UST: variants seen among roughly 807,000 people sequenced by gnomAD.
UST encodes uronyl 2-sulfotransferase.
UST carries 21 observed loss-of-function variants against 45.6 expected under a neutral mutation model. That is an observed-to-expected ratio of 0.46 (90% CI 0.33 to 0.66). The LOEUF is 0.66. Among genes scored for constraint, UST ranks in the 30% least tolerant of loss-of-function variants. The pLI is 0.02. For missense variants in UST, 463 were observed against 512.4 expected (o/e 0.90, Z 0.93); for synonymous variants, 215 against 200.6 (o/e 1.07, Z -0.61).
rs1776895996 is a variant in UST, at chr6:149,076,856, C to T, written c.*2740C>T. On this transcript the variant is annotated 3_prime_UTR_variant, in exon 8 of 8. Coordinates refer to ENST00000367463, the MANE Select transcript of UST (RefSeq NM_005715.3). ...AACCTTCAGCCTACTTTCTTGAGTG[C>T]CGTAAAAGTGCTTGTAAATCTTTTT... 1 of 149,674 alleles carries T rather than the reference C, an allele frequency of 6.7e-6. No individual in the cohort carries two copies. The highest frequency in any genetic ancestry group is 2.1e-4 in the South Asian group (1 of 4,696). 9.3% of individuals were successfully genotyped at this position (149,674 alleles called of 1,614,324 possible). A position where few individuals can be genotyped will look rare whatever the true frequency, so the allele number is the denominator to read the frequency against.
chr6:148,928,985 C>T (rs548007432), intron 2 of UST, among the ~76,000 whole-genome samples: 1 of 152,238 alleles, frequency 6.6e-6, no homozygotes, highest in Non-Finnish European at 1.5e-5. Flanking sequence ...GGGCAGGGAG[C>T]AGCTGTGGGG....
In UST at chr6:148,964,473, C is replaced by T. The variant is rs1167011237; in HGVS notation, c.591C>T (p.Ser197=). 1 of 1,614,176 alleles carries T rather than the reference C, an allele frequency of 6.2e-7. No homozygotes were observed. ...GAGACCCCGTCAACCGGTTCTTATC[C>T]AACTATTTTTTCCGTCGCTTTGGAG... ...IIRDPVNRFL[S]NYFFRRFGDW... Residue 197 remains serine, a synonymous_variant, in exon 5 of 8, where the codon TCC becomes TCT. Transcript: ENST00000367463.
At chr6:148,961,361 T>C (rs966203088) in intron 4 of UST, among the ~76,000 whole-genome samples, 1 of 152,236 alleles carries the variant, frequency 6.6e-6, no homozygotes, top group African/African-American at 2.4e-5. Flanking sequence ...TTCTACTCTC[T>C]AGTGTATGCA....
chr6:149,060,881 A>C (rs976172623), intron 7 of UST, among the ~76,000 whole-genome samples: 1 of 152,108 alleles, frequency 6.6e-6, no homozygotes, highest in Non-Finnish European at 1.5e-5. Flanking sequence ...TCTTTTGTCC[A>C]TGCTTATTTT....
chr6:148,831,679 C>G (rs918824220), intron 1 of UST, among the ~76,000 whole-genome samples: 1 of 152,076 alleles, frequency 6.6e-6, no homozygotes, highest in African/African-American at 2.4e-5. Flanking sequence ...CATGTGGTCC[C>G]AGCTACTCGG....
chr6:148,863,937 G>T (rs2114804408), intron 1 of UST, among the ~76,000 whole-genome samples: 1 of 152,280 alleles, frequency 6.6e-6, no homozygotes, highest in Non-Finnish European at 1.5e-5. Flanking sequence ...TCCCAGTTAG[G>T]CTACTCGGGG....
intron 3 of UST, among the ~76,000 whole-genome samples, chr6:148,947,762 G>A (rs1780275620): frequency 6.6e-6 from 1 of 152,156 alleles, no homozygotes; most frequent in Non-Finnish European, 1.5e-5. Context: ...TGGGGACAGT[G>A]TCCACAGGCA....
intron 7 of UST, among the ~76,000 whole-genome samples, chr6:149,025,689 T>G (rs1232415243): frequency 6.6e-6 from 1 of 152,172 alleles, no homozygotes; most frequent in Non-Finnish European, 1.5e-5. Flanking sequence ...CCTTATTATG[T>G]TTGTTTATTA....
chr6:148,870,104 TCACACACACACACA>T (rs60229120), intron 1 of UST, among the ~76,000 whole-genome samples: 10 of 141,448 alleles, frequency 7.1e-5, no homozygotes, highest in Admixed American at 1.4e-4. Context: ...TGGTAATGTT[TCACACACACACACA>T]CACACACACA....
chr6:148,949,431 T>C (rs1407096272), intron 3 of UST, among the ~76,000 whole-genome samples: 1 of 56,600 alleles, frequency 1.8e-5, no homozygotes, highest in Non-Finnish European at 4.1e-5. Context: ...ATAATAATAA[T>C]AATATTACTT....
chr6:148,794,990 A>C (rs1176874964), intron 1 of UST, among the ~76,000 whole-genome samples: 2 of 152,208 alleles, frequency 1.3e-5, no homozygotes, highest in Non-Finnish European at 2.9e-5. Flanking sequence ...TCAGTCAGTC[A>C]TACTAAAGAC....
chr6:148,783,757 A>T (rs1776686068), intron 1 of UST, among the ~76,000 whole-genome samples: 1 of 152,134 alleles, frequency 6.6e-6, no homozygotes, highest in Non-Finnish European at 1.5e-5. Context: ...AAATAACTAC[A>T]CATTTCCTGC....
intron 1 of UST, among the ~76,000 whole-genome samples, chr6:148,868,032 C>A (rs1273718307): frequency 1.3e-5 from 2 of 152,108 alleles, no homozygotes; most frequent in African/African-American, 4.8e-5. Flanking sequence ...ATGAGCCTGC[C>A]ACTGATGAGC....
At chr6:148,939,483 G>T (rs1409315747) in intron 2 of UST, among the ~76,000 whole-genome samples, 1 of 152,150 alleles carries the variant, frequency 6.6e-6, no homozygotes, top group Non-Finnish European at 1.5e-5. Flanking sequence ...AAGACTGTGT[G>T]GTACTGACAT....
intron 1 of UST, among the ~76,000 whole-genome samples, chr6:148,843,146 G>C (rs1351466887): frequency 6.6e-6 from 1 of 152,184 alleles, no homozygotes; most frequent in South Asian, 2.1e-4. Flanking sequence ...AGGGGGAATG[G>C]GAAGCAGATG....
chr6:148,969,274 T>G (rs928376607), intron 5 of UST, among the ~76,000 whole-genome samples: 8 of 152,208 alleles, frequency 5.3e-5, no homozygotes, highest in African/African-American at 1.9e-4. Context: ...GAAGAAGGGC[T>G]TTGGATTGTC....
chr6:149,012,305 A>C (rs1775826685), intron 5 of UST, among the ~76,000 whole-genome samples: 2 of 152,246 alleles, frequency 1.3e-5, no homozygotes, highest in South Asian at 4.1e-4. Context: ...GTTCTGGCTC[A>C]GATTTTTTTA....
chr6:148,835,516 A>T (rs539059368), intron 1 of UST, among the ~76,000 whole-genome samples: 1 of 152,068 alleles, frequency 6.6e-6, no homozygotes, highest in Admixed American at 6.6e-5. Context: ...GTCCCTGGTC[A>T]CCTCTTGTCT....
In UST at chr6:148,868,345, C is replaced by T. The variant is rs368823933; in HGVS notation, c.248-18641C>T. ...GTTCCCTGAAAACCAGAAAACTTGA[C>T]GTTTGTTTTAATGCAAAGATGAACT... On this transcript the variant is annotated intron_variant, in intron 1 of 7. Coordinates refer to ENST00000367463, the MANE Select transcript of UST (RefSeq NM_005715.3). 1.1e-4 allele frequency among the ~76,000 whole-genome samples: 16 copies of T among 152,258 alleles called. No individual in the cohort carries two copies. In the East Asian group the frequency reaches 2.1e-3, roughly 20 times the overall value.
Sources: gnomAD v4.1 joint callset for allele counts (sites outside exome capture counted in the v4.1 genomes callset) on GRCh38, gnomAD v4.1.1 for gene constraint, MANE v1.5 for transcripts, NCBI Gene and HGNC (gene_info 2026-07-23, HGNC 2026-07-21) for gene names.